The following TNIK variants were observed in gnomAD, a reference collection of about 807,000 sequenced individuals.
TNIK encodes the protein TRAF2 and NCK interacting kinase, also known as TRAF2 and NCK-interacting protein kinase.
A neutral mutation model predicts 191.3 loss-of-function variants in TNIK; 49 were observed. The ratio of observed to expected loss-of-function variants is 0.26; its 90% confidence interval spans 0.20 to 0.32. The LOEUF is 0.32. TNIK is among the 10% of genes least tolerant of loss of function. The pLI is 1.00. For missense variants in TNIK, 1,155 were observed against 1,702.3 expected (o/e 0.68, Z 5.66); for synonymous variants, 594 against 600.9 (o/e 0.99, Z 0.17).
At chr3:171,281,473 T>C (rs1052063537) in intron 2 of TNIK, among the ~76,000 whole-genome samples, 1 of 152,186 alleles carries the variant, frequency 6.6e-6, no homozygotes, top group Non-Finnish European at 1.5e-5. Context: ...ATTTATCTTA[T>C]TTAAGTCTCA....
intron 2 of TNIK, among the ~76,000 whole-genome samples, chr3:171,270,891 T>C (rs956294336): frequency 3.3e-5 from 5 of 152,236 alleles, no homozygotes; most frequent in African/African-American, 1.2e-4. Flanking sequence ...GTCTGGCACA[T>C]AACAAGTGGA....
At chr3:171,295,005 AAGAG>A (rs141597723) in intron 2 of TNIK, among the ~76,000 whole-genome samples, 13 of 146,668 alleles carry the variant, frequency 8.9e-5, no homozygotes, top group Non-Finnish European at 9.0e-5. Flanking sequence ...CTGGCCAGGG[AAGAG>A]AGAGAGAGAG....
chr3:171,164,784 T>C (rs1734407716), intron 10 of TNIK, among the ~76,000 whole-genome samples: 1 of 152,210 alleles, frequency 6.6e-6, no homozygotes, highest in Non-Finnish European at 1.5e-5. Flanking sequence ...AAGGAGCAAT[T>C]GAAAAATCAG....
intron 12 of TNIK, among the ~76,000 whole-genome samples, chr3:171,154,602 T>A (rs1174058030): frequency 6.6e-6 from 1 of 152,188 alleles, no homozygotes; most frequent in Non-Finnish European, 1.5e-5. Context: ...ATTACCAGAG[T>A]AGAAGCCTTG....
chr3:171,321,893 A>G (rs563421256), intron 2 of TNIK, among the ~76,000 whole-genome samples: 31 of 152,206 alleles, frequency 2.0e-4, no homozygotes, highest in Non-Finnish European at 3.8e-4. Flanking sequence ...GTCAGTTCCA[A>G]TTTAACCAAA....
At chr3:171,376,152 A>T (rs1025691399) in intron 1 of TNIK, among the ~76,000 whole-genome samples, 3 of 152,198 alleles carry the variant, frequency 2.0e-5, no homozygotes, top group African/African-American at 7.2e-5. Flanking sequence ...ATGCTTACAA[A>T]AGCAAAACAG....
At chr3:171,205,802 T>A (rs1025278528) in intron 4 of TNIK, among the ~76,000 whole-genome samples, 1 of 152,138 alleles carries the variant, frequency 6.6e-6, no homozygotes, top group Non-Finnish European at 1.5e-5. Flanking sequence ...AAGCCCTGAA[T>A]GATCTGGATC....
intron 7 of TNIK, 108 bp downstream of exon 7, chr3:171,188,594 G>T: frequency 7.3e-7 from 1 of 1,368,060 alleles, no homozygotes; most frequent in Non-Finnish European, 9.7e-7. Flanking sequence ...ATGTTTTTCA[G>T]TTCTCCCTTT....
At chr3:171,404,099 C>T (rs958480926) in intron 1 of TNIK, among the ~76,000 whole-genome samples, 2 of 152,196 alleles carry the variant, frequency 1.3e-5, no homozygotes, top group Admixed American at 6.5e-5. Flanking sequence ...ATAGTACTGG[C>T]TATGTACCTA....
At chr3:171,195,760 C>T (rs143745879) in intron 4 of TNIK, among the ~76,000 whole-genome samples, 16 of 152,216 alleles carry the variant, frequency 1.1e-4, no homozygotes, top group Admixed American at 2.0e-4. Context: ...GAAACCTTCC[C>T]ACCTTCTCCA....
intron 2 of TNIK, among the ~76,000 whole-genome samples, chr3:171,231,805 A>C (rs1743685975): frequency 6.6e-6 from 1 of 152,184 alleles, no homozygotes; most frequent in African/African-American, 2.4e-5. Context: ...TTGAGTAGGA[A>C]GGGGCCCCTA....
intron 28 of TNIK, among the ~76,000 whole-genome samples, chr3:171,074,188 A>C (rs1225093652): frequency 2.0e-5 from 3 of 152,172 alleles, no homozygotes; most frequent in Non-Finnish European, 4.4e-5. Flanking sequence ...TGCAGCCATA[A>C]AAAGAATGAA....
chr3:171,290,394 C>T (rs1459657353), intron 2 of TNIK, among the ~76,000 whole-genome samples: 1 of 152,144 alleles, frequency 6.6e-6, no homozygotes, highest in African/African-American at 2.4e-5. Context: ...AATTACTTAC[C>T]ATCTGCAAAT....
At chr3:171,368,209 A>G (rs2108488973) in intron 2 of TNIK, among the ~76,000 whole-genome samples, 1 of 152,298 alleles carries the variant, frequency 6.6e-6, no homozygotes, top group Admixed American at 6.5e-5. Context: ...CCAAATGTAT[A>G]TTCTATGGGT....
chr3:171,147,418 G>C (rs1443554744), intron 12 of TNIK, among the ~76,000 whole-genome samples: 2 of 152,110 alleles, frequency 1.3e-5, no homozygotes, highest in Non-Finnish European at 2.9e-5. Context: ...TCCAGCTTCT[G>C]GGCATTCCAT....
At chr3:171,399,727 T>C (rs1324440323) in intron 1 of TNIK, among the ~76,000 whole-genome samples, 3 of 152,294 alleles carry the variant, frequency 2.0e-5, no homozygotes, top group South Asian at 4.1e-4. Context: ...AACATATATA[T>C]GTGTGCTTGC....
At chr3:171,284,960 T>C (rs1750859677) in intron 2 of TNIK, among the ~76,000 whole-genome samples, 1 of 152,330 alleles carries the variant, frequency 6.6e-6, no homozygotes, top group South Asian at 2.1e-4. Flanking sequence ...GCCAAGACTT[T>C]GCCACATGCT....
chr3:171,204,673 T>C (rs1739842348), intron 4 of TNIK, among the ~76,000 whole-genome samples: 3 of 152,234 alleles, frequency 2.0e-5, no homozygotes, highest in African/African-American at 7.2e-5. Flanking sequence ...AGCACTCTTA[T>C]TAGTAGCTAA....
intron 2 of TNIK, among the ~76,000 whole-genome samples, chr3:171,271,414 T>G (rs1209771793): frequency 6.6e-6 from 1 of 152,206 alleles, no homozygotes; most frequent in Non-Finnish European, 1.5e-5. Flanking sequence ...ATCATTTCCA[T>G]GACCTATCCA....
Sources: allele counts gnomAD v4.1 joint callset (sites outside exome capture counted in the v4.1 genomes callset), GRCh38; gene constraint gnomAD v4.1.1; transcripts MANE v1.5; gene names NCBI Gene and HGNC (gene_info 2026-07-23, HGNC 2026-07-21).